The following SLC13A3 variants were observed in gnomAD, a reference collection of about 807,000 sequenced individuals.
SLC13A3 encodes solute carrier family 13 member 3.
SLC13A3 carries 40 observed loss-of-function variants against 59.0 expected under a neutral mutation model. That is an observed-to-expected ratio of 0.68 (90% CI 0.53 to 0.88). SLC13A3 has a LOEUF of 0.88. Among genes scored for constraint, SLC13A3 ranks in the 40% least tolerant of loss-of-function variants. The probability of loss-of-function intolerance (pLI) is 0.00; values close to 1 mark genes in which losing one functional copy is unlikely to be tolerated. For synonymous variants in SLC13A3, 317 were observed against 330.3 expected, an observed-to-expected ratio of 0.96 and a Z score of 0.44; for missense variants, 699 against 783.2, an observed-to-expected ratio of 0.89 and a Z score of 1.28.
upstream of SLC13A3, among the ~76,000 whole-genome samples, chr20:46,655,891 AATAT>A (rs1251493941): frequency 9.6e-4 from 133 of 139,172 alleles, 1 homozygote; most frequent in Non-Finnish European, 1.4e-3. Flanking sequence ...TACTGTATAT[AATAT>A]ATATACTGTA....
upstream of SLC13A3, among the ~76,000 whole-genome samples, chr20:46,652,564 T>G: frequency 6.6e-6 from 1 of 150,820 alleles, no homozygotes; most frequent in Admixed American, 6.6e-5. Context: ...TTTTTTTTTT[T>G]TTTGTATTTT....
rs1175077603 is a variant in SLC13A3 at position 46,601,255 on chromosome 20, C to T, written c.542-1218G>A. On this transcript the variant is annotated intron_variant, in intron 3 of 12. Transcript: ENST00000279027. ...TCTGGGCCTGGTCCGAGAGAATGGA[C>T]GTAGGGAAAGGGGCAAAAATGGAAG... 5.9e-5 allele frequency among the ~76,000 whole-genome samples: 9 copies of T among 152,068 alleles called. No individual in the cohort carries two copies. The East Asian group carries it at 1.2e-3, about 20-fold the overall frequency.
intron 1 of SLC13A3, among the ~76,000 whole-genome samples, chr20:46,615,566 G>A (rs1300600007): frequency 2.6e-5 from 4 of 152,186 alleles, no homozygotes; most frequent in African/African-American, 4.8e-5. Flanking sequence ...CCAAGATCAC[G>A]TCTGACAGCT....
chr20:46,576,175 T>A (rs2062074388), intron 9 of SLC13A3, among the ~76,000 whole-genome samples: 1 of 151,886 alleles, frequency 6.6e-6, no homozygotes, highest in Non-Finnish European at 1.5e-5. Flanking sequence ...GTCAACAAAC[T>A]TTCTGCAGGG....
At chr20:46,678,617 A>C (rs1295024028) in intron 1 of SLC13A3, among the ~76,000 whole-genome samples, 1 of 152,142 alleles carries the variant, frequency 6.6e-6, no homozygotes, top group Non-Finnish European at 1.5e-5. Context: ...GTTGATGGGG[A>C]TGTGCTGGTG....
intron 1 of SLC13A3, among the ~76,000 whole-genome samples, chr20:46,622,108 G>A (rs2062621715): frequency 6.6e-6 from 1 of 152,184 alleles, no homozygotes; most frequent in South Asian, 2.1e-4. Flanking sequence ...GTTCACGTCT[G>A]TGTCCCCAGA....
At chr20:46,670,277 A>G (rs556203648), upstream of SLC13A3, 2 of 152,354 alleles carry the variant, frequency 1.3e-5, no homozygotes, top group Admixed American at 1.3e-4. Context: ...TTAAAGGAGC[A>G]TACCCTTTTT....
At chr20:46,578,091 T>G (rs2062097097) in intron 9 of SLC13A3, among the ~76,000 whole-genome samples, 1 of 151,934 alleles carries the variant, frequency 6.6e-6, no homozygotes, top group Non-Finnish European at 1.5e-5. Context: ...AAACTCCGCC[T>G]AATTTTGTGT....
At chr20:46,610,208 A>G (rs180842628) in intron 3 of SLC13A3, among the ~76,000 whole-genome samples, 1 of 152,344 alleles carries the variant, frequency 6.6e-6, no homozygotes, top group East Asian at 1.9e-4. Context: ...TAATGTATGT[A>G]AAGAGTTCAA....
chr20:46,647,281 T>A (rs570067015), intron 1 of SLC13A3, among the ~76,000 whole-genome samples: 8 of 152,180 alleles, frequency 5.3e-5, no homozygotes, highest in Admixed American at 4.6e-4. Flanking sequence ...CACCTGTGAG[T>A]CCCCAGTGTT....
At chr20:46,675,405 C>CTT (rs1057001519) in intron 1 of SLC13A3, among the ~76,000 whole-genome samples, 63 of 112,678 alleles carry the variant, frequency 5.6e-4, no homozygotes, top group African/African-American at 1.5e-3. Context: ...AATTTTTTTT[C>CTT]TTTTTTTTTT....
intron 1 of SLC13A3, among the ~76,000 whole-genome samples, chr20:46,622,613 GGTGTGTGCGTGTGTGT>G (rs1388905605): frequency 1.8e-5 from 2 of 112,070 alleles, no homozygotes; most frequent in Non-Finnish European, 3.5e-5. Flanking sequence ...ATTGGTGTGT[GGTGTGTGCGTGTGTGT>G]GTGTGTGTGT....
In SLC13A3 at chr20:46,613,652, G is replaced by A. The variant is rs200598488; in HGVS notation, c.185C>T (p.Thr62Met). The A allele has an allele frequency of 2.0e-5, 32 of 1,612,216 alleles. No individual in the cohort carries two copies. Among genetic ancestry groups the A allele is most frequent in the African/African-American group, 1.9e-4 (14 of 75,044 alleles). ...WCTEALPLSV[T>M]ALLPIVLFPF... ...GAAGAGGACGATGGGCAGCAGCGCC[G>A]TCACTGAGAGCGGCAGGGCCTCCGT... Residue 62 changes from threonine to methionine, a missense_variant, in exon 2 of 13, where the codon ACG becomes ATG. Physicochemically the swap from Thr to Met is moderately conservative, Grantham distance 81. Transcript: ENST00000279027.
exon 1 of SLC13A3, chr20:46,670,124 C>T (rs2063082602): frequency 6.6e-6 from 1 of 152,172 alleles, no homozygotes; most frequent in African/African-American, 2.4e-5. Context: ...TTCCTTTGGA[C>T]CTTAGTGCCA....
intron 7 of SLC13A3, 122 bp from the exon 8 acceptor site, chr20:46,588,285 G>A (rs1041270465): frequency 3.5e-6 from 2 of 576,772 alleles, no homozygotes; most frequent in South Asian, 4.5e-5. Flanking sequence ...TGAGAAAGCT[G>A]AAGTCATCCA....
rs190558543 is a variant in SLC13A3, at chr20:46,573,806, C to T, written c.1332+1767G>A. ...TGACCAGGTACTGAGATTCCCAAGC[C>T]TGGGCTTCTGCCCAGTGTACACAGT... On this transcript the variant is annotated intron_variant, in intron 10 of 12. Transcript: ENST00000279027. 5.0e-3 allele frequency among the ~76,000 whole-genome samples: 757 copies of T among 152,296 alleles called. 6 individuals are homozygous for T. The highest frequency in any genetic ancestry group is 0.014 in the South Asian group (66 of 4,826).
At chr20:46,575,775 C>T (rs916966001) in intron 9 of SLC13A3, 90 bp from the exon 10 acceptor site, 2 of 687,134 alleles carry the variant, frequency 2.9e-6, no homozygotes, top group Admixed American at 3.5e-5. Flanking sequence ...ACCGGGGACA[C>T]TCAGGGGTCC....
chr20:46,596,411 G>A, intron 4 of SLC13A3, 69 bp from the exon 5 acceptor site: 1 of 1,413,994 alleles, frequency 7.1e-7, no homozygotes, highest in Non-Finnish European at 9.8e-7. Context: ...CCTGGGAGTT[G>A]GGGAGCTAAG....
chr20:46,560,231 G>T, intron 12 of SLC13A3, 33 bp from the exon 13 acceptor site: 1 of 1,602,792 alleles, frequency 6.2e-7, no homozygotes, highest in South Asian at 1.1e-5. Flanking sequence ...GGAGGGGTCA[G>T]CACCTGACCC....
Sources: gnomAD v4.1 joint callset for allele counts (sites outside exome capture counted in the v4.1 genomes callset) on GRCh38, gnomAD v4.1.1 for gene constraint, MANE v1.5 for transcripts, NCBI Gene and HGNC (gene_info 2026-07-23, HGNC 2026-07-21) for gene names.